MAP3K4: variants seen among roughly 807,000 people sequenced by gnomAD.
MAP3K4 encodes MAP three kinase 1.
In MAP3K4, 67 loss-of-function variants were observed where a neutral mutation model predicts 185.6. That is an observed-to-expected ratio of 0.36 (90% CI 0.30 to 0.44). The LOEUF is 0.44. MAP3K4 is among the 20% of genes least tolerant of loss of function. MAP3K4 has a pLI of 1.00. For synonymous variants in MAP3K4, 702 were observed against 710.4 expected (o/e 0.99, Z 0.19); for missense variants, 1,551 against 1,995.1 (o/e 0.78, Z 4.24).
chr6:161,038,030 C>T (rs896495708), intron 2 of MAP3K4, among the ~76,000 whole-genome samples: 1 of 151,812 alleles, frequency 6.6e-6, no homozygotes, highest in Admixed American at 6.6e-5. Flanking sequence ...TCCTTTCATC[C>T]TCTTCCTTTC....
In MAP3K4 at chr6:161,091,325, T is replaced by G; in HGVS notation, c.2974-54T>G. The G allele has an allele frequency of 5.6e-6, 8 of 1,440,328 alleles. No homozygotes were observed. The highest frequency in any genetic ancestry group is 7.6e-6 in the Non-Finnish European group (8 of 1,056,088). 89.2% of individuals were successfully genotyped at this position (1,440,328 alleles called of 1,614,324 possible). A position where few individuals can be genotyped will look rare whatever the true frequency, so the allele number is the denominator to read the frequency against. ...AACGAAATCTTCCTTTAAAATGTGGTAAGTATTGTATGATTTGCTTCATTT... is the reference window on the plus strand; with the variant it reads ...AACGAAATCTTCCTTTAAAATGTGGGAAGTATTGTATGATTTGCTTCATTT... On this transcript the variant is annotated intron_variant, in intron 11 of 26. Coordinates refer to ENST00000392142, the MANE Select transcript of MAP3K4 (RefSeq NM_005922.4). The surrounding 1 kb of genome is among the most constrained non-coding windows in gnomAD (Gnocchi z 5.5).
rs929212243 is a variant in MAP3K4, at chr6:161,097,417, A to G, written c.3524+241A>G. ...GTTTCTCAGCTTATTTATAACCTCAAGCTACTACATGCTTTCTGGCTGTGG... is the reference window on the plus strand; with the variant it reads ...GTTTCTCAGCTTATTTATAACCTCAGGCTACTACATGCTTTCTGGCTGTGG... On this transcript the variant is annotated intron_variant, in intron 16 of 26. Coordinates refer to ENST00000392142, the MANE Select transcript of MAP3K4 (RefSeq NM_005922.4). This position sits in a 1 kb window ranked among gnomAD's most constrained non-coding sequence, Gnocchi z 4.9. 6.6e-6 allele frequency among the ~76,000 whole-genome samples: 1 copy of G among 152,222 alleles called. No individual in the cohort carries two copies. Among genetic ancestry groups the G allele is most frequent in the Non-Finnish European group, 1.5e-5 (1 of 68,034 alleles).
intron 11 of MAP3K4, 135 bp downstream of exon 11, chr6:161,089,606 T>C: frequency 1.3e-6 from 1 of 798,766 alleles, no homozygotes; most frequent in East Asian, 2.7e-5. Context: ...CTCTTCCCAA[T>C]ACATATTTTC....
intron 3 of MAP3K4, among the ~76,000 whole-genome samples, chr6:161,055,181 G>A (rs963043454): frequency 6.6e-6 from 1 of 152,140 alleles, no homozygotes; most frequent in Non-Finnish European, 1.5e-5. Flanking sequence ...TGCTTGTATG[G>A]TGACCCTTCC....
At chr6:161,018,088 G>A (rs1439177719) in intron 1 of MAP3K4, among the ~76,000 whole-genome samples, 1 of 152,190 alleles carries the variant, frequency 6.6e-6, no homozygotes, top group African/African-American at 2.4e-5. Flanking sequence ...CCTGGCTTTT[G>A]CCTGGAAACC....
rs1784250032 is a variant in MAP3K4 at position 161,056,660 on chromosome 6, A to G, written c.1707+6681A>G. Among the ~76,000 whole-genome samples, 1 of 152,176 alleles carries G rather than the reference A, an allele frequency of 6.6e-6. No individual in the cohort carries two copies. The highest frequency in any genetic ancestry group is 1.5e-5 in the Non-Finnish European group (1 of 68,030). Reference sequence around the variant, plus strand: ...ACCCCTGTGAGGAATAAATTTATCAACTAGGGTGTAGTGTTTCAGTCAAGT... The same window carrying G: ...ACCCCTGTGAGGAATAAATTTATCAGCTAGGGTGTAGTGTTTCAGTCAAGT... On this transcript the variant is annotated intron_variant, in intron 3 of 26. Transcript: ENST00000392142. The surrounding 1 kb of genome is among the most constrained non-coding windows in gnomAD (Gnocchi z 5.4).
rs796981850 is a variant in MAP3K4, at chr6:161,043,006, G to A, written c.344-5610G>A. Among the ~76,000 whole-genome samples the A allele has an allele frequency of 1.5e-4, 23 of 152,236 alleles. No individual in the cohort carries two copies. The highest frequency in any genetic ancestry group is 5.3e-4 in the African/African-American group (22 of 41,530). ...TGCATGCGTGTGCCTATATATATGTGTGTGTAAATGTGTGTATCTGCTAAC... is the reference window on the plus strand; with the variant it reads ...TGCATGCGTGTGCCTATATATATGTATGTGTAAATGTGTGTATCTGCTAAC... On this transcript the variant is annotated intron_variant, in intron 2 of 26. Transcript: ENST00000392142. The surrounding 1 kb of genome is among the most constrained non-coding windows in gnomAD (Gnocchi z 4.3).
At position 161,048,778 on chromosome 6, in the gene MAP3K4, C is replaced by T. The variant is rs1394802024; in HGVS notation, c.506C>T (p.Ser169Leu). 1.2e-6 allele frequency: 2 copies of T among 1,614,072 alleles called. No individual in the cohort carries two copies. Among genetic ancestry groups the T allele is most frequent in the Non-Finnish European group, 1.7e-6 (2 of 1,179,998 alleles). ...GTACAGTGCTCATTCATGTTAGACT[C>T]AGTGGGTGGATCTTTGCCAAAAAAA... ...KNVQCSFMLD[S>L]VGGSLPKKSI... Residue 169 changes from serine to leucine, a missense_variant, in exon 3 of 27, where the codon TCA (serine) becomes TTA (leucine). Physicochemically the swap from Ser to Leu is moderately radical, Grantham distance 145. Around this residue, in one of 16 missense-constraint regions of MAP3K4, gnomAD observed 287 missense variants for 268.8 expected, o/e 1.07. Coordinates refer to ENST00000392142, the MANE Select transcript of MAP3K4 (RefSeq NM_005922.4). The surrounding 1 kb of genome is among the most constrained non-coding windows in gnomAD (Gnocchi z 4.7).
chr6:161,114,967 G>A lies in MAP3K4; in HGVS notation c.4627-156G>A, dbSNP rs1463846073. Among the ~76,000 whole-genome samples, 5 of 152,240 alleles carry A rather than the reference G, an allele frequency of 3.3e-5. No homozygotes were observed. The South Asian group carries it at 1.0e-3, about 32-fold the overall frequency. ...TGAATAGTTGTGATAGAGATCATAT[G>A]GCCTGTCAACCTAAAATATTGTTTG... On this transcript the variant is annotated intron_variant, in intron 25 of 26. Coordinates refer to ENST00000392142, the MANE Select transcript of MAP3K4 (RefSeq NM_005922.4). This position sits in a 1 kb window ranked among gnomAD's most constrained non-coding sequence, Gnocchi z 4.3.
Position 161,082,237 on chromosome 6 carries a change from T to G in MAP3K4, c.2255+1199T>G, listed in dbSNP as rs1459312093. On this transcript the variant is annotated intron_variant, in intron 6 of 26. Coordinates refer to ENST00000392142, the MANE Select transcript of MAP3K4 (RefSeq NM_005922.4). The surrounding 1 kb of genome is among the most constrained non-coding windows in gnomAD (Gnocchi z 4.2). Reference sequence around the variant, plus strand: ...TCAGCCTTTTTAAAAAAGGCATTCATTGTCATTTGCAACATGTCTCCCCCC... The same window carrying G: ...TCAGCCTTTTTAAAAAAGGCATTCAGTGTCATTTGCAACATGTCTCCCCCC... Among the ~76,000 whole-genome samples the G allele has an allele frequency of 2.0e-5, 3 of 152,068 alleles. No individual in the cohort carries two copies. The highest frequency in any genetic ancestry group is 3.9e-4 in the East Asian group (2 of 5,160).
chr6:161,104,027 A>G (rs1777943093), intron 19 of MAP3K4, among the ~76,000 whole-genome samples: 1 of 152,160 alleles, frequency 6.6e-6, no homozygotes, highest in Non-Finnish European at 1.5e-5. Context: ...GGTCTTTGCC[A>G]TATTTTTCAA....
chr6:161,085,794 G>A (rs377399413), intron 7 of MAP3K4, among the ~76,000 whole-genome samples: 7 of 152,198 alleles, frequency 4.6e-5, no homozygotes, highest in Non-Finnish European at 1.0e-4. Context: ...AATGAAGATG[G>A]TGAACTAGAG....
chr6:161,115,578 C>T lies in MAP3K4; in HGVS notation c.4806+276C>T, dbSNP rs1583256010. Among the ~76,000 whole-genome samples the T allele has an allele frequency of 6.6e-6, 1 of 152,160 alleles. No homozygotes were observed. Among genetic ancestry groups the T allele is most frequent in the East Asian group, 1.9e-4 (1 of 5,194 alleles). ...GGGACTGGATGAAAGAGTTTCCACTCTTGAGAGTGTATAGTCTACTTGGAG... is the reference window on the plus strand; with the variant it reads ...GGGACTGGATGAAAGAGTTTCCACTTTTGAGAGTGTATAGTCTACTTGGAG... On this transcript the variant is annotated intron_variant, in intron 26 of 26. Transcript: ENST00000392142. This position sits in a 1 kb window ranked among gnomAD's most constrained non-coding sequence, Gnocchi z 6.0.
At position 161,048,069 on chromosome 6, in the gene MAP3K4, G is replaced by C. The variant is rs1482657498; in HGVS notation, c.344-547G>C. Among the ~76,000 whole-genome samples the C allele has an allele frequency of 1.3e-5, 2 of 152,194 alleles. No homozygotes were observed. Among genetic ancestry groups the C allele is most frequent in the African/African-American group, 2.4e-5 (1 of 41,452 alleles). ...TAAACTAACGTCAGTGTTTTTGTCTGTCAACTGTCTTTCAGTTTTTTATGA... is the reference window on the plus strand; with the variant it reads ...TAAACTAACGTCAGTGTTTTTGTCTCTCAACTGTCTTTCAGTTTTTTATGA... On this transcript the variant is annotated intron_variant, in intron 2 of 26. Transcript: ENST00000392142. The surrounding 1 kb of genome is among the most constrained non-coding windows in gnomAD (Gnocchi z 4.7).
chr6:161,004,049 G>A (rs1781458243), intron 1 of MAP3K4, among the ~76,000 whole-genome samples: 1 of 151,926 alleles, frequency 6.6e-6, no homozygotes, highest in Non-Finnish European at 1.5e-5. Flanking sequence ...AATATACCAA[G>A]CATATAGTTA....
intron 1 of MAP3K4, among the ~76,000 whole-genome samples, chr6:160,998,715 TA>T (rs1217051176): frequency 6.6e-6 from 1 of 152,216 alleles, no homozygotes; most frequent in African/African-American, 2.4e-5. Context: ...TAGAAATATT[TA>T]AAATCTAGAA....
chr6:161,026,695 G>A (rs1782680903), intron 1 of MAP3K4, among the ~76,000 whole-genome samples: 1 of 147,782 alleles, frequency 6.8e-6, no homozygotes, highest in Non-Finnish European at 1.5e-5. Context: ...TGTGTAATGG[G>A]ACTCATTTAT....
rs1295123135 is a variant in MAP3K4, at chr6:161,063,701, GC to G, written c.1708-6905del. ...GGTACTAGTTTTAAGATATTATGGGGCCTAAACCACTCCAGCCCTTTCAGAC... is the reference window on the plus strand; with the variant it reads ...GGTACTAGTTTTAAGATATTATGGGGCTAAACCACTCCAGCCCTTTCAGAC... On this transcript the variant is annotated intron_variant, in intron 3 of 26. Transcript: ENST00000392142. The surrounding 1 kb of genome is among the most constrained non-coding windows in gnomAD (Gnocchi z 5.4). Among the ~76,000 whole-genome samples, 1 of 152,022 alleles carries G rather than the reference GC, an allele frequency of 6.6e-6. No individual in the cohort carries two copies. The highest frequency in any genetic ancestry group is 1.5e-5 in the Non-Finnish European group (1 of 68,014).
In MAP3K4 at chr6:161,103,642, G is replaced by A. The variant is rs919937164; in HGVS notation, c.3856+863G>A. On this transcript the variant is annotated intron_variant, in intron 19 of 26. Coordinates refer to ENST00000392142, the MANE Select transcript of MAP3K4 (RefSeq NM_005922.4). This position sits in a 1 kb window ranked among gnomAD's most constrained non-coding sequence, Gnocchi z 4.6. ...AGCCATCAGTGACTGCCTAAGTAAT[G>A]AAGGCTTTGCCCAGAGGTGGTGGGC... 2.0e-5 allele frequency among the ~76,000 whole-genome samples: 3 copies of A among 152,184 alleles called. No homozygotes were observed. Among genetic ancestry groups the A allele is most frequent in the Non-Finnish European group, 4.4e-5 (3 of 68,026 alleles).
Sources: gnomAD v4.1 joint callset for allele counts (sites outside exome capture counted in the v4.1 genomes callset) on GRCh38, gnomAD v4.1.1 for gene constraint, gnomAD v4.1.1 regional missense constraint, Gnocchi (gnomAD v3.1) non-coding constraint, MANE v1.5 for transcripts, NCBI Gene and HGNC (gene_info 2026-07-23, HGNC 2026-07-21) for gene names.